Variants in LIN54 observed in about 807,000 individuals in gnomAD.
LIN54 encodes the protein lin-54 DREAM MuvB core complex component, also known as protein lin-54 homolog.
Under a neutral mutation model 78.7 loss-of-function variants are expected in LIN54, and 9 were observed. That is an observed-to-expected ratio of 0.11 (90% CI 0.07 to 0.20). LIN54 has a LOEUF of 0.20. Ranked by LOEUF, LIN54 falls within the 10% of genes least tolerant of loss-of-function variation. The pLI, the probability that LIN54 is intolerant of heterozygous loss-of-function variation, is 1.00. For missense variants in LIN54, 573 were observed against 889.9 expected (o/e 0.64, Z 4.53); for synonymous variants, 269 against 318.4 (o/e 0.84, Z 1.65).
At chr4:83,007,176 T>C (rs901856951) in intron 1 of LIN54, among the ~76,000 whole-genome samples, 6 of 151,584 alleles carry the variant, frequency 4.0e-5, no homozygotes, top group Admixed American at 3.9e-4. Flanking sequence ...AATAAATAAA[T>C]AAAAAGAAAT....
intron 1 of LIN54, among the ~76,000 whole-genome samples, chr4:82,988,057 T>A (rs1365852812): frequency 6.6e-6 from 1 of 152,210 alleles, no homozygotes; most frequent in African/African-American, 2.4e-5. Flanking sequence ...TTCCTGACTT[T>A]TTAATAATCG....
chr4:82,959,204 A>G (rs1172299409), intron 4 of LIN54, among the ~76,000 whole-genome samples: 5 of 152,206 alleles, frequency 3.3e-5, no homozygotes, highest in African/African-American at 1.2e-4. Context: ...AAACATTAAA[A>G]CATTGCTGTA....
intron 1 of LIN54, among the ~76,000 whole-genome samples, chr4:83,005,450 C>T (rs1729268775): frequency 6.6e-6 from 1 of 151,918 alleles, no homozygotes; most frequent in African/African-American, 2.4e-5. Context: ...ACAGCCTGGC[C>T]AACATGGGGA....
At chr4:82,946,163 T>C (rs1723343118) in intron 5 of LIN54, 95 bp downstream of exon 5, 2 of 1,061,104 alleles carry the variant, frequency 1.9e-6, no homozygotes, top group Admixed American at 1.8e-5. Flanking sequence ...TCAGTTGAAA[T>C]GCCACTCTTC....
chr4:82,977,167 A>G (rs1417641512), intron 3 of LIN54, among the ~76,000 whole-genome samples: 1 of 152,174 alleles, frequency 6.6e-6, no homozygotes, highest in Non-Finnish European at 1.5e-5. Flanking sequence ...AAAACTTTTC[A>G]GGGACTCTCT....
chr4:82,970,598 G>A (rs1725564097), intron 3 of LIN54, 129 bp from the exon 4 acceptor site: 9 of 804,852 alleles, frequency 1.1e-5, no homozygotes, highest in South Asian at 2.0e-5. Flanking sequence ...ACTTAATGAG[G>A]CACTAATGAA....
At chr4:82,940,738 C>G (rs913774081) in intron 5 of LIN54, among the ~76,000 whole-genome samples, 7 of 152,166 alleles carry the variant, frequency 4.6e-5, no homozygotes, top group African/African-American at 1.7e-4. Context: ...TACTAAAAGG[C>G]AGCACAGCAA....
chr4:82,978,983 T>C lies in LIN54; in HGVS notation c.708A>G (p.Pro236=), dbSNP rs771343965. Residue 236 remains proline (P), a synonymous_variant, in exon 3 of 13, where the codon CCA becomes CCG. Transcript: ENST00000340417. Reference sequence around the variant, plus strand: ...GCTTCGTGATTACTGGACCAGAGGTTGGCGTTCGAGGCTTCTTAGCAATCT... The same window carrying C: ...GCTTCGTGATTACTGGACCAGAGGTCGGCGTTCGAGGCTTCTTAGCAATCT... The part of the protein sequence containing the change: ...TVQIAKKPRT[P]TSGPVITKLI... The C allele has an allele frequency of 1.3e-6, 2 of 1,592,026 alleles. No individual in the cohort carries two copies. The highest frequency in any genetic ancestry group is 1.7e-6 in the Non-Finnish European group (2 of 1,164,112).
intron 4 of LIN54, among the ~76,000 whole-genome samples, chr4:82,965,748 C>G (rs11099561): frequency 0.54 from 82,002 of 151,926 alleles, 23,977 homozygotes; most frequent in East Asian, 0.78. Flanking sequence ...AAGATGATCT[C>G]AGTCGGGGTG....
At position 82,975,258 on chromosome 4, in the gene LIN54, T is replaced by C. The variant is rs576879794; in HGVS notation, c.808+3625A>G. On this transcript the variant is annotated intron_variant, in intron 3 of 12. Coordinates refer to ENST00000340417, the MANE Select transcript of LIN54 (RefSeq NM_194282.4). ...CTGTAGTCTCAGCTCCTTGGGAAGC[T>C]GAGGCAGGAGAATCACTTAGTGAGT... 5.3e-5 allele frequency among the ~76,000 whole-genome samples: 8 copies of C among 150,462 alleles called. No homozygotes were observed. In the South Asian group the frequency reaches 1.5e-3, roughly 28 times the overall value.
chr4:82,940,863 G>A (rs984676454), intron 5 of LIN54, among the ~76,000 whole-genome samples: 3 of 152,058 alleles, frequency 2.0e-5, no homozygotes, highest in Non-Finnish European at 2.9e-5. Context: ...GCAATATGGG[G>A]AATATCTACC....
intron 3 of LIN54, among the ~76,000 whole-genome samples, chr4:82,974,936 A>G (rs1252911333): frequency 1.3e-5 from 2 of 152,116 alleles, no homozygotes; most frequent in African/African-American, 2.4e-5. Flanking sequence ...AAGGAAGAAT[A>G]AGGAGTTTTT....
At position 83,010,490 on chromosome 4, in the gene LIN54, C is replaced by T. The variant is rs1269959048; in HGVS notation, c.-39G>A. 16 of 1,156,616 alleles carry T rather than the reference C, an allele frequency of 1.4e-5. No homozygotes were observed. Among genetic ancestry groups the T allele is most frequent in the Non-Finnish European group, 1.7e-5 (16 of 941,566 alleles). 71.6% of individuals were successfully genotyped at this position (1,156,616 alleles called of 1,614,324 possible). A position where few individuals can be genotyped will look rare whatever the true frequency, so the allele number is the denominator to read the frequency against. On this transcript the variant is annotated 5_prime_UTR_variant, in exon 1 of 13. Coordinates refer to ENST00000340417, the MANE Select transcript of LIN54 (RefSeq NM_194282.4). ...GTACCCCATCCTCCTCTACCTCCAG[C>T]GGCTGCCGCTTTCTCCTCCCTCGGG...
intron 1 of LIN54, among the ~76,000 whole-genome samples, chr4:83,006,265 C>T (rs1001355738): frequency 3.9e-5 from 6 of 151,958 alleles, no homozygotes; most frequent in Admixed American, 6.6e-5. Context: ...CTGGCTAACA[C>T]GGTGAAACCC....
intron 4 of LIN54, among the ~76,000 whole-genome samples, chr4:82,957,381 T>C (rs1020040615): frequency 1.3e-5 from 2 of 151,192 alleles, no homozygotes; most frequent in African/African-American, 4.9e-5. Flanking sequence ...TTTTGCAAAC[T>C]TTACTTTCAT....
chr4:82,942,134 T>G (rs1578504736), intron 5 of LIN54, among the ~76,000 whole-genome samples: 3 of 36,174 alleles, frequency 8.3e-5, no homozygotes, highest in Admixed American at 5.4e-4. Context: ...ATATCAGCAG[T>G]TTTTTTTTGT....
At chr4:82,947,229 A>ATTTT (rs1263368630) in intron 4 of LIN54, among the ~76,000 whole-genome samples, 17 of 20,644 alleles carry the variant, frequency 8.2e-4, no homozygotes, top group South Asian at 8.0e-3. Flanking sequence ...ATATATATAT[A>ATTTT]TATATATTTT....
chr4:82,956,723 C>T (rs1387657057), intron 4 of LIN54, among the ~76,000 whole-genome samples: 1 of 152,030 alleles, frequency 6.6e-6, no homozygotes, highest in Non-Finnish European at 1.5e-5. Context: ...AAAAGAATTT[C>T]TCATTCATTT....
At chr4:82,947,383 G>A (rs973222372) in intron 4 of LIN54, among the ~76,000 whole-genome samples, 19 of 142,334 alleles carry the variant, frequency 1.3e-4, no homozygotes, top group African/African-American at 2.4e-4. Flanking sequence ...CAGGTACCAC[G>A]CCCAGTTAAT....
Sources: gnomAD v4.1 joint callset for allele counts (sites outside exome capture counted in the v4.1 genomes callset) on GRCh38, gnomAD v4.1.1 for gene constraint, MANE v1.5 for transcripts, NCBI Gene and HGNC (gene_info 2026-07-23, HGNC 2026-07-21) for gene names.